The following PTPRD variants were observed in gnomAD, a reference collection of about 807,000 sequenced individuals.
PTPRD encodes protein tyrosine phosphatase receptor type D.
PTPRD carries 34 observed loss-of-function variants against 214.5 expected under a neutral mutation model. That is an observed-to-expected ratio of 0.16 (90% CI 0.12 to 0.21). The LOEUF is 0.21. Among genes scored for constraint, PTPRD ranks in the 10% least tolerant of loss-of-function variants. The probability of loss-of-function intolerance (pLI) is 1.00; values close to 1 mark genes in which losing one functional copy is unlikely to be tolerated. For missense variants in PTPRD, 2,545 were observed against 2,398.7 expected (o/e 1.06, Z -1.27); for synonymous variants, 1,128 against 845.7 (o/e 1.33, Z -5.79).
chr9:8,431,262 G>C (rs1383662105), intron 35 of PTPRD, among the ~76,000 whole-genome samples: 1 of 152,028 alleles, frequency 6.6e-6, no homozygotes, highest in Non-Finnish European at 1.5e-5. Context: ...TATGATTACA[G>C]ACCATGTTTT....
intron 3 of PTPRD, among the ~76,000 whole-genome samples, chr9:10,129,896 T>A (rs1326181158): frequency 6.6e-6 from 1 of 151,992 alleles, no homozygotes; most frequent in African/African-American, 2.4e-5. Flanking sequence ...TATTTGAGAA[T>A]AAAAATGGTA....
intron 5 of PTPRD, among the ~76,000 whole-genome samples, chr9:9,867,734 C>G (rs546402597): frequency 7.0e-4 from 107 of 152,146 alleles, no homozygotes; most frequent in South Asian, 2.3e-3. Context: ...TCTCTTAGGT[C>G]AAGAAATTAT....
At chr9:8,836,094 T>C (rs957815992) in intron 11 of PTPRD, among the ~76,000 whole-genome samples, 33 of 152,316 alleles carry the variant, frequency 2.2e-4, no homozygotes, top group African/African-American at 7.7e-4. Flanking sequence ...CGAATGCCAC[T>C]TTTTATGTCC....
intron 2 of PTPRD, among the ~76,000 whole-genome samples, chr9:10,461,864 C>T (rs929315495): frequency 9.2e-5 from 14 of 151,952 alleles, no homozygotes; most frequent in Non-Finnish European, 1.5e-4. Flanking sequence ...TCAGGTAATC[C>T]GCCCGCCCCA....
intron 2 of PTPRD, among the ~76,000 whole-genome samples, chr9:10,351,625 G>A (rs887049347): frequency 1.3e-5 from 2 of 151,354 alleles, no homozygotes; most frequent in Admixed American, 6.6e-5. Flanking sequence ...ATAATACTGG[G>A]CAATCAGAGG....
At chr9:9,892,732 A>G (rs961605575) in intron 5 of PTPRD, among the ~76,000 whole-genome samples, 1 of 147,440 alleles carries the variant, frequency 6.8e-6, no homozygotes, top group East Asian at 1.9e-4. Context: ...GGAGCCCATT[A>G]TAATAACGAG....
chr9:8,836,620 C>T (rs1254830170), intron 11 of PTPRD, among the ~76,000 whole-genome samples: 31 of 89,716 alleles, frequency 3.5e-4, no homozygotes, highest in Admixed American at 5.5e-4. Context: ...TTTTTTAAGA[C>T]GGAGTCTCGC....
Position 9,243,755 on chromosome 9 carries a change from C to T in PTPRD, c.-202-60392G>A, listed in dbSNP as rs1422265111. 2.6e-5 allele frequency among the ~76,000 whole-genome samples: 4 copies of T among 152,142 alleles called. No individual in the cohort carries two copies. In the East Asian group the frequency reaches 5.8e-4, roughly 22 times the overall value. ...AAGACAGGGATGCCCTCTCTCACCA[C>T]TCCTATTCAACATAGTGTTGGAAGT... On this transcript the variant is annotated intron_variant, in intron 9 of 45. Transcript: ENST00000381196.
chr9:8,474,802 T>A (rs962151628), intron 30 of PTPRD, among the ~76,000 whole-genome samples: 2 of 152,206 alleles, frequency 1.3e-5, no homozygotes, highest in African/African-American at 4.8e-5. Flanking sequence ...CAAGTCTATC[T>A]AGATCTGTAA....
At chr9:8,634,252 AG>A (rs1032804608) in intron 13 of PTPRD, among the ~76,000 whole-genome samples, 1 of 151,704 alleles carries the variant, frequency 6.6e-6, no homozygotes, top group African/African-American at 2.4e-5. Context: ...AAAAAAAAAA[AG>A]ATGATGATAT....
At chr9:10,302,791 T>G (rs1443523103) in intron 3 of PTPRD, among the ~76,000 whole-genome samples, 1 of 152,152 alleles carries the variant, frequency 6.6e-6, no homozygotes, top group African/African-American at 2.4e-5. Context: ...GCAAAGAGAC[T>G]TAGACGCCCA....
At chr9:8,919,948 A>G (rs1444958856) in intron 11 of PTPRD, among the ~76,000 whole-genome samples, 4 of 142,736 alleles carry the variant, frequency 2.8e-5, no homozygotes, top group Admixed American at 2.1e-4. Flanking sequence ...GCATGTACAC[A>G]TGTATGTATA....
intron 11 of PTPRD, among the ~76,000 whole-genome samples, chr9:8,945,456 T>G (rs756642765): frequency 2.0e-5 from 3 of 152,096 alleles, no homozygotes; most frequent in Non-Finnish European, 4.4e-5. Flanking sequence ...TCTACTGCTG[T>G]CCTCACTTTA....
chr9:9,023,271 C>A lies in PTPRD; in HGVS notation c.-142-4536G>T, dbSNP rs532283896. On this transcript the variant is annotated intron_variant, in intron 10 of 45. Coordinates refer to ENST00000381196, the MANE Select transcript of PTPRD (RefSeq NM_002839.4). ...TTCAGTGAACTGAATTTGTGTACTG[C>A]ATTTAATTTCATTTAGAATTTTCCA... Among the ~76,000 whole-genome samples, 281 of 152,186 alleles carry A rather than the reference C, an allele frequency of 1.8e-3. 3 individuals carry two copies. The highest frequency in any genetic ancestry group is 1.9e-3 in the Non-Finnish European group (132 of 68,002).
intron 2 of PTPRD, among the ~76,000 whole-genome samples, chr9:10,573,140 T>G (rs999750841): frequency 1.3e-5 from 2 of 151,972 alleles, no homozygotes; most frequent in African/African-American, 2.4e-5. Flanking sequence ...CTCCAACACC[T>G]CCCCCACAAA....
intron 4 of PTPRD, among the ~76,000 whole-genome samples, chr9:9,967,443 T>C (rs1032797925): frequency 6.6e-6 from 1 of 152,194 alleles, no homozygotes; most frequent in African/African-American, 2.4e-5. Context: ...TTAAGGATAG[T>C]GCAGAATCAT....
In PTPRD at chr9:9,970,562, A is replaced by C. The variant is rs535283925; in HGVS notation, c.-471-31952T>G. On this transcript the variant is annotated intron_variant, in intron 4 of 45. Transcript: ENST00000381196. ...CAGGTATGTACCTAGTAGGAAAAAA[A>C]ATTGTCCTCCTCCCCCCACACAGGG... Among the ~76,000 whole-genome samples the C allele has an allele frequency of 1.6e-3, 245 of 152,254 alleles. 1 individual carries two copies. The highest frequency in any genetic ancestry group is 5.6e-3 in the African/African-American group (233 of 41,550).
chr9:9,261,392 G>C (rs1435696999), intron 9 of PTPRD, among the ~76,000 whole-genome samples: 1 of 151,692 alleles, frequency 6.6e-6, no homozygotes, highest in Admixed American at 6.6e-5. Flanking sequence ...TCTCAAACTT[G>C]TAAGCAATCA....
In PTPRD at chr9:8,341,704, G is replaced by C. The variant is rs764664438; in HGVS notation, c.4936C>G (p.Leu1646Val). The C allele has an allele frequency of 5.0e-6, 8 of 1,613,166 alleles. No individual in the cohort carries two copies. The highest frequency in any genetic ancestry group is 1.7e-5 in the Admixed American group (1 of 59,924). ...ATCCAATACCATACCTTAAATTCGA[G>C]CTCCATTCCTGTGACATTCTCTCCC... ...ETGENVTGME[L>V]EFKRLASSKA... The change falls in exon 40 of 46, where the codon CTC (leucine) becomes GTC (valine). Residue 1646 changes from leucine (L) to valine (V), a missense_variant. Physicochemically the swap from Leu to Val is conservative, Grantham distance 32 (BLOSUM62 1). Transcript: ENST00000381196.
Sources: gnomAD v4.1 joint callset for allele counts (sites outside exome capture counted in the v4.1 genomes callset) on GRCh38, gnomAD v4.1.1 for gene constraint, MANE v1.5 for transcripts, NCBI Gene and HGNC (gene_info 2026-07-23, HGNC 2026-07-21) for gene names.